The following CMYA5 variants were observed in gnomAD, a reference collection of about 807,000 sequenced individuals.
CMYA5 encodes cardiomyopathy-associated protein 5.
Under a neutral mutation model 318.9 loss-of-function variants are expected in CMYA5, and 246 were observed. The observed-to-expected ratio is 0.77, with a 90% CI of 0.70 to 0.86. The LOEUF (loss-of-function observed/expected upper bound fraction) is 0.86, where lower values mean the gene tolerates loss of function less well. CMYA5 is among the 40% of genes least tolerant of loss of function. The pLI is 0.00. For synonymous variants in CMYA5, 1,641 were observed against 1,729.5 expected (o/e 0.95, Z 1.27); for missense variants, 4,589 against 4,678.2 (o/e 0.98, Z 0.56).
chr5:79,694,930 A>C (rs1374727487), intron 1 of CMYA5, among the ~76,000 whole-genome samples: 1 of 152,214 alleles, frequency 6.6e-6, no homozygotes, highest in Non-Finnish European at 1.5e-5. Context: ...CCAGAAACTG[A>C]AGAGCTATTT....
At chr5:79,778,285 G>A (rs1828980372) in intron 9 of CMYA5, among the ~76,000 whole-genome samples, 1 of 152,114 alleles carries the variant, frequency 6.6e-6, no homozygotes, top group East Asian at 1.9e-4. Context: ...ATTAGAAGTG[G>A]AATAACTGGT....
At position 79,730,805 on chromosome 5, in the gene CMYA5, A is replaced by G. The variant is rs749698206; in HGVS notation, c.2040A>G (p.Ser680=). ...TTACACCAGAATACATGGTCCTATC[A>G]GGAGACGAGGCCTCAGAAAGTGGGT... ...STVTPEYMVL[S]GDEASESGCY... is the part of the protein sequence containing the mutation. Residue 680 remains serine, a synonymous_variant, in exon 2 of 13, where the codon TCA becomes TCG. Transcript: ENST00000446378. 1 of 1,613,902 alleles carries G rather than the reference A, an allele frequency of 6.2e-7. No individual in the cohort carries two copies. The highest frequency in any genetic ancestry group is 8.5e-7 in the Non-Finnish European group (1 of 1,179,840).
At position 79,734,109 on chromosome 5, in the gene CMYA5, G is replaced by A; in HGVS notation, c.5344G>A (p.Val1782Ile). Residue 1782 changes from valine to isoleucine, a missense_variant, in exon 2 of 13, where the codon GTC (valine) becomes ATC (isoleucine). Around this residue, in one of 3 missense-constraint regions of CMYA5, gnomAD observed 2,132 missense variants for 2,131.3 expected, o/e 1.00. Coordinates refer to ENST00000446378, the MANE Select transcript of CMYA5 (RefSeq NM_153610.5). The stretch of plus-strand genomic sequence containing the variant: ...ACCAACTGGAAATTTGAAGGCACAA[G>A]TCATGGGAGATATTTTAGATAAGCT... ...LPPTGNLKAQ[V>I]MGDILDKLSE... The A allele has an allele frequency of 6.2e-7, 1 of 1,613,824 alleles. No individual in the cohort carries two copies.
In CMYA5 at chr5:79,799,512, C is replaced by A; in HGVS notation, c.12106C>A (p.His4036Asn). The A allele has an allele frequency of 6.2e-7, 1 of 1,613,974 alleles. No individual in the cohort carries two copies. Among genetic ancestry groups the A allele is most frequent in the Non-Finnish European group, 8.5e-7 (1 of 1,179,886 alleles). ...CGAGCAGTTGCTCTTCATCATCAGG[C>A]ACAGGTTTAATGAGGGTGTCCACCC... is the stretch of plus-strand genomic sequence containing the variant. ...ESEQLLFIIR[H>N]RFNEGVHPAF... is the part of the protein sequence containing the mutation. The change falls in exon 13 of 13, where the codon CAC (histidine) becomes AAC (asparagine). Residue 4036 changes from histidine to asparagine, a missense_variant. Transcript: ENST00000446378.
At position 79,737,782 on chromosome 5, in the gene CMYA5, G is replaced by A. The variant is rs747167304; in HGVS notation, c.9017G>A (p.Ser3006Asn). Residue 3006 changes from serine to asparagine, a missense_variant, in exon 2 of 13, where the codon AGC (serine) becomes AAC (asparagine). Ser to Asn is a conservative substitution (Grantham distance 46). Around this residue, in one of 3 missense-constraint regions of CMYA5, gnomAD observed 2,431 missense variants for 2,495.1 expected, o/e 0.97. Transcript: ENST00000446378. ...ETVACHKTLK[S>N]RLEDEKVTPL... The stretch of plus-strand genomic sequence containing the variant: ...GTTGCTTGTCATAAAACATTAAAGA[G>A]CAGGTTAGAAGATGAAAAAGTTACC... 1.2e-6 allele frequency: 2 copies of A among 1,611,676 alleles called. No individual in the cohort carries two copies. Among genetic ancestry groups the A allele is most frequent in the Non-Finnish European group, 1.7e-6 (2 of 1,179,332 alleles).
chr5:79,781,781 A>C (rs1829019043), intron 9 of CMYA5, among the ~76,000 whole-genome samples: 1 of 11,556 alleles, frequency 8.7e-5, no homozygotes, highest in Non-Finnish European at 1.1e-4. Context: ...ATCATTTTTT[A>C]TTGTGTCTAT....
intron 1 of CMYA5, among the ~76,000 whole-genome samples, chr5:79,725,632 G>T (rs184774956): frequency 1.1e-4 from 16 of 152,366 alleles, no homozygotes; most frequent in African/African-American, 3.4e-4. Context: ...GCAGAGTGCG[G>T]TGGCTCACGC....
intron 1 of CMYA5, among the ~76,000 whole-genome samples, chr5:79,717,884 ATTT>A (rs1282948127): frequency 1.1e-5 from 1 of 91,770 alleles, no homozygotes. Context: ...AACCTAAGCT[ATTT>A]TTTTTTTTTT....
At chr5:79,690,627 T>C (rs978996276) in intron 1 of CMYA5, among the ~76,000 whole-genome samples, 1 of 152,188 alleles carries the variant, frequency 6.6e-6, no homozygotes, top group Non-Finnish European at 1.5e-5. Context: ...TGCGATGAAG[T>C]AATACTATGT....
At position 79,729,081 on chromosome 5, in the gene CMYA5, G is replaced by C. The variant is rs757655193; in HGVS notation, c.316G>C (p.Val106Leu). Reference protein sequence around the residue: ...WASEESQTSGVCSREGSTVNS... With the variant: ...WASEESQTSGLCSREGSTVNS... The stretch of plus-strand genomic sequence containing the variant: ...TTCAGAAGAAAGTCAGACTTCTGGT[G>C]TGTGTAGTCGGGAAGGGTCAACTGT... The change falls in exon 2 of 13, where the codon GTG (valine) becomes CTG (leucine). Residue 106 changes from valine to leucine, a missense_variant. Physicochemically the swap from Val to Leu is conservative, Grantham distance 32 (BLOSUM62 1). Around this residue, in one of 3 missense-constraint regions of CMYA5, gnomAD observed 2,132 missense variants for 2,131.3 expected, o/e 1.00. Transcript: ENST00000446378. 18 of 1,613,818 alleles carry C rather than the reference G, an allele frequency of 1.1e-5. No homozygotes were observed. The Admixed American group carries it at 2.8e-4, about 25-fold the overall frequency.
intron 2 of CMYA5, among the ~76,000 whole-genome samples, chr5:79,742,317 G>T (rs1273978905): frequency 6.6e-6 from 1 of 151,912 alleles, no homozygotes; most frequent in African/African-American, 2.4e-5. Context: ...CTCCTGACTA[G>T]CTGGGACTAG....
In CMYA5 at chr5:79,736,630, T is replaced by C. The variant is rs776711470; in HGVS notation, c.7865T>C (p.Leu2622Ser). ...AKAVGTQPHP[L>S]EESKVLVEKT... ...GCAGTAGGAACCCAACCACATCCTT[T>C]AGAAGAAAGTAAAGTTTTGGTGGAG... Residue 2622 changes from leucine (L) to serine (S), a missense_variant, in exon 2 of 13, where the codon TTA becomes TCA. Leu to Ser is a moderately radical substitution (Grantham distance 145). Around this residue, in one of 3 missense-constraint regions of CMYA5, gnomAD observed 2,431 missense variants for 2,495.1 expected, o/e 0.97. Coordinates refer to ENST00000446378, the MANE Select transcript of CMYA5 (RefSeq NM_153610.5). The C allele has an allele frequency of 3.7e-5, 59 of 1,613,634 alleles. No homozygotes were observed. Among genetic ancestry groups the C allele is most frequent in the Non-Finnish European group, 3.1e-5 (36 of 1,179,790 alleles).
chr5:79,772,908 C>G (rs1828879328), intron 9 of CMYA5, among the ~76,000 whole-genome samples: 1 of 152,204 alleles, frequency 6.6e-6, no homozygotes, highest in Non-Finnish European at 1.5e-5. Context: ...GTAGTTCAAT[C>G]TCTAAGATGT....
Position 79,732,947 on chromosome 5 carries a change from T to G in CMYA5, c.4182T>G (p.Gly1394=). The part of the protein sequence containing the change: ...DRPVLTKVGK[G]ELGSGLPPLV... Reference sequence around the variant, plus strand: ...CAGTCTTAACAAAAGTAGGAAAGGGTGAATTAGGAAGTGGTTTGCCACCAC... The same window carrying G: ...CAGTCTTAACAAAAGTAGGAAAGGGGGAATTAGGAAGTGGTTTGCCACCAC... The change falls in exon 2 of 13, where the codon GGT becomes GGG. Residue 1394 remains glycine (G), a synonymous_variant. Transcript: ENST00000446378. The G allele has an allele frequency of 6.2e-7, 1 of 1,613,526 alleles. No homozygotes were observed. Among genetic ancestry groups the G allele is most frequent in the South Asian group, 1.1e-5 (1 of 91,018 alleles).
intron 9 of CMYA5, 80 bp downstream of exon 9, chr5:79,763,289 G>C: frequency 8.0e-7 from 1 of 1,255,766 alleles, no homozygotes; most frequent in East Asian, 2.6e-5. Context: ...TCTAACTTCT[G>C]CTCACCAAGG....
chr5:79,758,199 C>T (rs559082364), intron 6 of CMYA5, among the ~76,000 whole-genome samples: 3 of 151,122 alleles, frequency 2.0e-5, no homozygotes, highest in East Asian at 3.9e-4. Flanking sequence ...CACTGCACTC[C>T]AGCCTGGGTG....
chr5:79,712,903 C>T (rs1312881543), intron 1 of CMYA5, among the ~76,000 whole-genome samples: 1 of 152,212 alleles, frequency 6.6e-6, no homozygotes, highest in Non-Finnish European at 1.5e-5. Flanking sequence ...ATGAAGTGCT[C>T]TGTCTCTTAG....
intron 9 of CMYA5, 86 bp downstream of exon 9, chr5:79,763,295 C>A: frequency 8.2e-7 from 1 of 1,217,352 alleles, no homozygotes; most frequent in Non-Finnish European, 1.1e-6. Flanking sequence ...TTCTGCTCAC[C>A]AAGGGAGAAA....
rs1828033282 is a variant in CMYA5, at chr5:79,735,389, A to C, written c.6624A>C (p.Pro2208=). 1 of 1,613,778 alleles carries C rather than the reference A, an allele frequency of 6.2e-7. No individual in the cohort carries two copies. The highest frequency in any genetic ancestry group is 8.5e-7 in the Non-Finnish European group (1 of 1,179,816). ...EQEDLETQPS[P]SVEKAVTVID... ...AAGACTTAGAAACACAGCCAAGTCC[A>C]TCCGTAGAAAAAGCAGTGACTGTGA... The change falls in exon 2 of 13, where the codon CCA becomes CCC. Residue 2208 remains proline, a synonymous_variant. Coordinates refer to ENST00000446378, the MANE Select transcript of CMYA5 (RefSeq NM_153610.5).
Sources: gnomAD v4.1 joint callset for allele counts (sites outside exome capture counted in the v4.1 genomes callset) on GRCh38, gnomAD v4.1.1 for gene constraint, gnomAD v4.1.1 regional missense constraint, MANE v1.5 for transcripts, NCBI Gene and HGNC (gene_info 2026-07-23, HGNC 2026-07-21) for gene names.